The following EYS variants were observed in gnomAD, a reference collection of about 807,000 sequenced individuals.
EYS encodes EGF-like photoreceptor maintenance factor.
A neutral mutation model predicts 282.1 loss-of-function variants in EYS; 250 were observed. The observed-to-expected ratio is 0.89, with a 90% CI of 0.80 to 0.98. The LOEUF (loss-of-function observed/expected upper bound fraction) is 0.98, where lower values mean the gene tolerates loss of function less well. Among genes scored for constraint, EYS ranks in the 50% least tolerant of loss-of-function variants. The probability of loss-of-function intolerance (pLI) is 0.00; values close to 1 mark genes in which losing one functional copy is unlikely to be tolerated. For missense variants in EYS, 4,016 were observed against 3,709.0 expected (o/e 1.08, Z -2.15); for synonymous variants, 1,355 against 1,282.9 (o/e 1.06, Z -1.20).
chr6:63,879,335 A>G (rs1039341517), intron 35 of EYS, among the ~76,000 whole-genome samples: 3 of 152,220 alleles, frequency 2.0e-5, no homozygotes, highest in Non-Finnish European at 2.9e-5. Context: ...TAACATAAAC[A>G]TAATTAGGCT....
chr6:65,151,675 T>G (rs1764614237), intron 12 of EYS, among the ~76,000 whole-genome samples: 1 of 152,054 alleles, frequency 6.6e-6, no homozygotes. Context: ...CTATTTTGTT[T>G]TAAATATACA....
intron 2 of EYS, among the ~76,000 whole-genome samples, chr6:65,515,011 A>C (rs1373591307): frequency 6.6e-6 from 1 of 152,162 alleles, no homozygotes; most frequent in Non-Finnish European, 1.5e-5. Context: ...GCAACCTACA[A>C]AATGGGAGAA....
rs138259314 is a variant in EYS at position 64,779,848 on chromosome 6, T to C, written c.3443+33530A>G. Among the ~76,000 whole-genome samples the C allele has an allele frequency of 3.6e-3, 547 of 152,272 alleles. 2 individuals are homozygous for C. The highest frequency in any genetic ancestry group is 0.01 in the Middle Eastern group (3 of 294). ...TTATTTTAAAATGCTGTTTGATAGA[T>C]TAGTGATAAAATGGAGAGGCTGGAA... On this transcript the variant is annotated intron_variant, in intron 22 of 42. Coordinates refer to ENST00000503581, the MANE Select transcript of EYS (RefSeq NM_001142800.2).
At chr6:64,615,297 A>G (rs1383921779) in intron 24 of EYS, among the ~76,000 whole-genome samples, 2 of 152,030 alleles carry the variant, frequency 1.3e-5, no homozygotes, top group Admixed American at 6.6e-5. Flanking sequence ...TGTGATTTTT[A>G]TTCTTTTAAT....
chr6:64,824,081 C>T (rs1764978391), intron 19 of EYS, among the ~76,000 whole-genome samples: 1 of 151,864 alleles, frequency 6.6e-6, no homozygotes, highest in African/African-American at 2.4e-5. Flanking sequence ...GTTACAGATC[C>T]TCTTTACATT....
chr6:65,466,149 CATTAT>C (rs1311665081), intron 5 of EYS, among the ~76,000 whole-genome samples: 1 of 151,844 alleles, frequency 6.6e-6, no homozygotes, highest in South Asian at 2.1e-4. Context: ...TTTTCTAGAT[CATTAT>C]ATTATAATGT....
chr6:64,173,758 T>C (rs1405313256), intron 31 of EYS, among the ~76,000 whole-genome samples: 2 of 152,178 alleles, frequency 1.3e-5, no homozygotes, highest in Non-Finnish European at 2.9e-5. Context: ...TGTATTAAAA[T>C]AGAACATATC....
At chr6:63,984,293 G>T in intron 35 of EYS, 90 bp downstream of exon 35, 1 of 864,276 alleles carries the variant, frequency 1.2e-6, no homozygotes, top group Non-Finnish European at 1.8e-6. Context: ...TGTCATTTTC[G>T]TCTCTCAGAG....
At chr6:64,297,357 G>A (rs993788259) in intron 30 of EYS, among the ~76,000 whole-genome samples, 1 of 144,022 alleles carries the variant, frequency 6.9e-6, no homozygotes, top group Admixed American at 7.2e-5. Context: ...CTGCATATAT[G>A]AGGAAAATTT....
At chr6:65,145,748 G>A (rs1007286513) in intron 12 of EYS, among the ~76,000 whole-genome samples, 1 of 151,840 alleles carries the variant, frequency 6.6e-6, no homozygotes, top group Non-Finnish European at 1.5e-5. Flanking sequence ...CCTCGTTCTT[G>A]CCAAAATTTT....
chr6:64,686,781 ATATATATG>A lies in EYS; in HGVS notation c.3444-60544_3444-60537del, dbSNP rs1362624021. Among the ~76,000 whole-genome samples, 59 of 16,296 alleles carry A rather than the reference ATATATATG, an allele frequency of 3.6e-3. 10 individuals are homozygous for A. The highest frequency in any genetic ancestry group is 6.1e-3 in the African/African-American group (59 of 9,696). The allele number at this position is 16,296 out of a possible 152,430, so 10.7% of individuals were successfully genotyped here. A position where few individuals can be genotyped will look rare whatever the true frequency, so the allele number is the denominator to read the frequency against. ...TATATATGTGTGTATATATATATAT[ATATATATG>A]TGTGTATATATATATGTGTGTATAT... On this transcript the variant is annotated intron_variant, in intron 22 of 42. Transcript: ENST00000503581.
At chr6:64,234,812 C>G (rs1766532302) in intron 30 of EYS, among the ~76,000 whole-genome samples, 1 of 151,784 alleles carries the variant, frequency 6.6e-6, no homozygotes, top group South Asian at 2.1e-4. Context: ...TAGTTTTGGA[C>G]TGGCTTTTTC....
At chr6:63,807,822 T>C (rs1053190440) in intron 36 of EYS, among the ~76,000 whole-genome samples, 2 of 150,186 alleles carry the variant, frequency 1.3e-5, no homozygotes, top group Admixed American at 1.3e-4. Context: ...GGTATATCAC[T>C]TTCAGTAGTA....
At position 65,298,728 on chromosome 6, in the gene EYS, TTA is replaced by T. The variant is rs1039939333; in HGVS notation, c.1767-2611_1767-2610del. ...TACAAACCTACCTACACATACATAT[TTA>T]TATATATATATATTTAAATTCTCAA... On this transcript the variant is annotated intron_variant, in intron 11 of 42. Transcript: ENST00000503581. Among the ~76,000 whole-genome samples the T allele has an allele frequency of 2.4e-4, 36 of 150,156 alleles. 1 individual carries two copies. Among genetic ancestry groups the T allele is most frequent in the Middle Eastern group, 3.5e-3 (1 of 288 alleles).
At chr6:65,505,740 C>T (rs560423628) in intron 2 of EYS, among the ~76,000 whole-genome samples, 5 of 152,194 alleles carry the variant, frequency 3.3e-5, no homozygotes, top group Admixed American at 6.6e-5. Flanking sequence ...TTTTATTCCA[C>T]GTGGCATGGG....
chr6:64,669,810 A>G (rs1331759442), intron 22 of EYS, among the ~76,000 whole-genome samples: 2 of 152,212 alleles, frequency 1.3e-5, no homozygotes, highest in Non-Finnish European at 2.9e-5. Flanking sequence ...AGTGATAATT[A>G]TACTGACATG....
chr6:64,420,306 G>A (rs1470848131), intron 28 of EYS, among the ~76,000 whole-genome samples: 1 of 152,128 alleles, frequency 6.6e-6, no homozygotes, highest in African/African-American at 2.4e-5. Context: ...GCCTGGGCCT[G>A]GCCTATGAAC....
chr6:65,516,283 C>G (rs1480187734), intron 2 of EYS, among the ~76,000 whole-genome samples: 1 of 151,992 alleles, frequency 6.6e-6, no homozygotes, highest in Non-Finnish European at 1.5e-5. Context: ...ATGTGAAAGC[C>G]AATATTTCTC....
chr6:65,692,404 A>G (rs1769277076), intron 1 of EYS, among the ~76,000 whole-genome samples: 1 of 150,192 alleles, frequency 6.7e-6, no homozygotes, highest in Non-Finnish European at 1.5e-5. Flanking sequence ...TAAAACTATA[A>G]AAATAAAATT....
Sources: allele counts gnomAD v4.1 joint callset (sites outside exome capture counted in the v4.1 genomes callset), GRCh38; gene constraint gnomAD v4.1.1; transcripts MANE v1.5; gene names NCBI Gene and HGNC (gene_info 2026-07-23, HGNC 2026-07-21).